CCSER1: variants seen among roughly 807,000 people sequenced by gnomAD.
CCSER1 encodes serine-rich coiled-coil domain-containing protein 1.
A neutral mutation model predicts 82.0 loss-of-function variants in CCSER1; 41 were observed. The ratio of observed to expected loss-of-function variants is 0.50; its 90% CI spans 0.39 to 0.65. The LOEUF (loss-of-function observed/expected upper bound fraction) is 0.65. CCSER1 is among the 30% of genes least tolerant of loss of function. The pLI is 0.00. For missense variants in CCSER1, 1,119 were observed against 1,064.2 expected (o/e 1.05, Z -0.72); for synonymous variants, 414 against 383.9 (o/e 1.08, Z -0.92).
intron 9 of CCSER1, among the ~76,000 whole-genome samples, chr4:90,926,057 A>C (rs993340537): frequency 6.6e-6 from 1 of 151,962 alleles, no homozygotes; most frequent in South Asian, 2.1e-4. Context: ...AAACTGTACA[A>C]TTTCTCCCAT....
intron 10 of CCSER1, among the ~76,000 whole-genome samples, chr4:91,105,101 C>T (rs1725469733): frequency 6.6e-6 from 1 of 151,608 alleles, no homozygotes; most frequent in Admixed American, 6.6e-5. Flanking sequence ...CACTCTTTAC[C>T]TTCATATAGA....
intron 1 of CCSER1, among the ~76,000 whole-genome samples, chr4:90,290,197 A>C (rs1188852252): frequency 2.0e-5 from 3 of 151,880 alleles, no homozygotes; most frequent in African/African-American, 7.2e-5. Context: ...CTGGAATGTT[A>C]ACCCATATAT....
At chr4:90,788,663 C>A (rs769758156) in intron 7 of CCSER1, among the ~76,000 whole-genome samples, 1 of 152,078 alleles carries the variant, frequency 6.6e-6, no homozygotes, top group South Asian at 2.1e-4. Context: ...CTGCAAAGAC[C>A]TTATTTCCAA....
intron 1 of CCSER1, among the ~76,000 whole-genome samples, chr4:90,289,258 T>G (rs891528061): frequency 2.6e-5 from 4 of 151,980 alleles, no homozygotes; most frequent in African/African-American, 9.7e-5. Flanking sequence ...AAATATATTT[T>G]AAGCCCACTT....
intron 10 of CCSER1, among the ~76,000 whole-genome samples, chr4:91,520,330 C>G (rs944976884): frequency 2.7e-5 from 4 of 149,266 alleles, no homozygotes; most frequent in African/African-American, 9.9e-5. Context: ...TCAGTGTTGA[C>G]CAGATTGGCC....
At chr4:91,108,009 G>T (rs750756565) in intron 10 of CCSER1, 2 of 152,260 alleles carry the variant, frequency 1.3e-5, no homozygotes, top group Non-Finnish European at 1.5e-5. Context: ...TCATTGAAAA[G>T]TTAGCTTCTC....
chr4:91,170,322 A>G (rs1317660268), intron 10 of CCSER1, among the ~76,000 whole-genome samples: 1 of 152,236 alleles, frequency 6.6e-6, no homozygotes, highest in African/African-American at 2.4e-5. Flanking sequence ...TAACAGATGC[A>G]TGATAAATCA....
chr4:90,522,514 A>G (rs1162686491), intron 5 of CCSER1, among the ~76,000 whole-genome samples: 2 of 152,120 alleles, frequency 1.3e-5, no homozygotes, highest in Non-Finnish European at 2.9e-5. Context: ...TTCTGCTAAG[A>G]TATCTCCACA....
At chr4:90,484,184 A>G (rs1766585238) in intron 5 of CCSER1, among the ~76,000 whole-genome samples, 1 of 151,288 alleles carries the variant, frequency 6.6e-6, no homozygotes, top group Non-Finnish European at 1.5e-5. Flanking sequence ...AGGCTTGTGC[A>G]TTCATCACGT....
intron 10 of CCSER1, among the ~76,000 whole-genome samples, chr4:91,392,435 TC>T (rs548922328): frequency 8.7e-4 from 133 of 152,040 alleles, no homozygotes; most frequent in African/African-American, 3.1e-3. Context: ...TGATTTTTTT[TC>T]CTATTTGAAC....
At chr4:90,773,550 C>G (rs1201659782) in intron 7 of CCSER1, among the ~76,000 whole-genome samples, 1 of 152,134 alleles carries the variant, frequency 6.6e-6, no homozygotes, top group Non-Finnish European at 1.5e-5. Flanking sequence ...GAATAAAAAG[C>G]TACCTTCAAA....
At chr4:91,488,159 T>C (rs1758324088) in intron 10 of CCSER1, among the ~76,000 whole-genome samples, 1 of 152,158 alleles carries the variant, frequency 6.6e-6, no homozygotes, top group South Asian at 2.1e-4. Flanking sequence ...TATTTTCTAT[T>C]TATTTGTTCG....
chr4:91,002,114 A>G (rs1218986057), intron 9 of CCSER1, among the ~76,000 whole-genome samples: 1 of 152,236 alleles, frequency 6.6e-6, no homozygotes, highest in Non-Finnish European at 1.5e-5. Flanking sequence ...ATTTCTGCTG[A>G]GAAATCTGCT....
chr4:91,174,123 G>A (rs1733055259), intron 10 of CCSER1, among the ~76,000 whole-genome samples: 1 of 152,106 alleles, frequency 6.6e-6, no homozygotes, highest in African/African-American at 2.4e-5. Context: ...GTACTATTGA[G>A]AATTCTGAAC....
intron 10 of CCSER1, among the ~76,000 whole-genome samples, chr4:91,456,820 T>G (rs1301898544): frequency 6.6e-6 from 1 of 152,154 alleles, no homozygotes; most frequent in Non-Finnish European, 1.5e-5. Context: ...ATATTTTTAT[T>G]GAATCTAATA....
intron 1 of CCSER1, among the ~76,000 whole-genome samples, chr4:90,132,196 A>G (rs1722932069): frequency 6.6e-6 from 1 of 152,232 alleles, no homozygotes; most frequent in Admixed American, 6.5e-5. Context: ...TTAGGGTACA[A>G]ACTAGCCTAT....
At chr4:91,308,138 T>C (rs1560580366) in intron 10 of CCSER1, among the ~76,000 whole-genome samples, 1 of 151,994 alleles carries the variant, frequency 6.6e-6, no homozygotes, top group Non-Finnish European at 1.5e-5. Flanking sequence ...ATGCACACAT[T>C]TGAAAGTGTA....
At chr4:90,799,629 C>T (rs1042614226) in intron 7 of CCSER1, among the ~76,000 whole-genome samples, 1 of 152,054 alleles carries the variant, frequency 6.6e-6, no homozygotes, top group African/African-American at 2.4e-5. Flanking sequence ...GCTCAGGTCG[C>T]GCAGGCCCCA....
chr4:90,986,418 A>G (rs979557068), intron 9 of CCSER1, among the ~76,000 whole-genome samples: 3 of 151,824 alleles, frequency 2.0e-5, no homozygotes, highest in Non-Finnish European at 4.4e-5. Context: ...AATTTTATAA[A>G]TGAATTTAAA....
Sources: gnomAD v4.1 joint callset for allele counts (sites outside exome capture counted in the v4.1 genomes callset) on GRCh38, gnomAD v4.1.1 for gene constraint, MANE v1.5 for transcripts, NCBI Gene and HGNC (gene_info 2026-07-23, HGNC 2026-07-21) for gene names.